Variants in STPG2 observed in about 807,000 individuals in gnomAD.
The protein encoded by STPG2 is sperm tail PG-rich repeat containing 2.
A neutral mutation model predicts 54.2 loss-of-function variants in STPG2; 56 were observed. The ratio of observed to expected loss-of-function variants is 1.03; its 90% CI spans 0.83 to 1.29. The LOEUF (loss-of-function observed/expected upper bound fraction) is 1.29. STPG2 is among the 50% of genes most tolerant of loss of function. The pLI is 0.00. For synonymous variants in STPG2, 200 were observed against 181.8 expected (o/e 1.10, Z -0.81); for missense variants, 596 against 544.9 (o/e 1.09, Z -0.93).
At chr4:97,883,967 G>A (rs1730470814) in intron 8 of STPG2, among the ~76,000 whole-genome samples, 1 of 152,154 alleles carries the variant, frequency 6.6e-6, no homozygotes, top group South Asian at 2.1e-4. Flanking sequence ...CAGAGGATGT[G>A]GTGGCTGAGA....
At chr4:97,898,753 C>T (rs1431559606) in intron 8 of STPG2, among the ~76,000 whole-genome samples, 1 of 151,182 alleles carries the variant, frequency 6.6e-6, no homozygotes, top group Non-Finnish European at 1.5e-5. Flanking sequence ...AATCAAAATG[C>T]TGATAAATTA....
chr4:97,567,765 A>G (rs1427673317), intron 10 of STPG2, among the ~76,000 whole-genome samples: 1 of 152,138 alleles, frequency 6.6e-6, no homozygotes, highest in Non-Finnish European at 1.5e-5. Flanking sequence ...TATAGATAAA[A>G]TAAAGAATAA....
chr4:97,943,918 TC>T lies in STPG2; in HGVS notation c.1022del (p.Arg341LysfsTer3). 1 of 1,586,088 alleles carries T rather than the reference TC, an allele frequency of 6.3e-7. No individual in the cohort carries two copies. The highest frequency in any genetic ancestry group is 2.3e-5 in the East Asian group (1 of 44,150). On this transcript the variant is annotated frameshift_variant, in exon 8 of 11. Transcript: ENST00000295268. LOFTEE classifies it high-confidence loss of function. ...KYAAFLSRAK[R>X]TMKVPDMVIP... ...TTACCATATCTGGTACTTTCATAGT[TC>T]TTTTGGCTCTTGACAAGAAAGCAGC...
At chr4:97,662,024 C>T (rs182470720) in intron 10 of STPG2, among the ~76,000 whole-genome samples, 1 of 152,106 alleles carries the variant, frequency 6.6e-6, no homozygotes, top group African/African-American at 2.4e-5. Flanking sequence ...GTTCTATGAA[C>T]CTCGACACAT....
At chr4:97,513,541 A>C (rs997857330) in intron 4 of STPG2, among the ~76,000 whole-genome samples, 1 of 152,040 alleles carries the variant, frequency 6.6e-6, no homozygotes, top group Admixed American at 6.6e-5. Flanking sequence ...TCACATACAG[A>C]AGACTCTCCT....
At chr4:97,601,419 T>C (rs1733458110) in intron 10 of STPG2, among the ~76,000 whole-genome samples, 1 of 152,088 alleles carries the variant, frequency 6.6e-6, no homozygotes, top group Non-Finnish European at 1.5e-5. Flanking sequence ...ATTGTGCTTT[T>C]CAAGTTATTT....
At chr4:97,743,820 T>C (rs1725341028) in intron 9 of STPG2, among the ~76,000 whole-genome samples, 1 of 151,498 alleles carries the variant, frequency 6.6e-6, no homozygotes, top group Admixed American at 6.6e-5. Context: ...GGAAAAATCT[T>C]CCCAAAAGAG....
intron 3 of STPG2, among the ~76,000 whole-genome samples, chr4:98,114,551 A>C (rs1739453227): frequency 6.6e-6 from 1 of 152,026 alleles, no homozygotes; most frequent in Admixed American, 6.6e-5. Context: ...AATCATGTTA[A>C]GGTTTTGTAT....
chr4:98,005,055 A>G (rs979188153), intron 5 of STPG2, among the ~76,000 whole-genome samples: 3 of 151,134 alleles, frequency 2.0e-5, no homozygotes, highest in East Asian at 3.9e-4. Context: ...GATAATAGCT[A>G]AAAAAAAATT....
At chr4:97,888,235 C>T (rs971709092) in intron 8 of STPG2, among the ~76,000 whole-genome samples, 3 of 152,136 alleles carry the variant, frequency 2.0e-5, no homozygotes, top group African/African-American at 4.8e-5. Context: ...GATAAGAGGG[C>T]CACCATCCTC....
chr4:97,743,078 G>A (rs549940123), intron 9 of STPG2, among the ~76,000 whole-genome samples: 1 of 151,680 alleles, frequency 6.6e-6, no homozygotes, highest in Admixed American at 6.6e-5. Context: ...AAAACATAAA[G>A]TGCCTTTTGT....
chr4:97,636,662 T>C (rs1378528400), intron 10 of STPG2, among the ~76,000 whole-genome samples: 1 of 151,754 alleles, frequency 6.6e-6, no homozygotes, highest in East Asian at 1.9e-4. Context: ...AAGGGGATAT[T>C]ACCACCAATC....
chr4:97,618,273 G>T (rs1446439994), intron 10 of STPG2, among the ~76,000 whole-genome samples: 2 of 152,086 alleles, frequency 1.3e-5, no homozygotes, highest in African/African-American at 4.8e-5. Flanking sequence ...TTGCTATGTT[G>T]TGAGAAGCCA....
chr4:98,137,147 G>A (rs1409585491), intron 1 of STPG2, among the ~76,000 whole-genome samples: 2 of 151,610 alleles, frequency 1.3e-5, no homozygotes, highest in African/African-American at 4.8e-5. Flanking sequence ...TTAAAAGGAT[G>A]GAAAAAGTTA....
At chr4:97,641,968 C>A (rs1721778918) in intron 10 of STPG2, among the ~76,000 whole-genome samples, 1 of 151,406 alleles carries the variant, frequency 6.6e-6, no homozygotes, top group African/African-American at 2.4e-5. Context: ...AAAATAATAA[C>A]ACCTATTCTT....
At chr4:98,012,211 T>C (rs1189485112) in intron 5 of STPG2, among the ~76,000 whole-genome samples, 1 of 152,224 alleles carries the variant, frequency 6.6e-6, no homozygotes, top group Non-Finnish European at 1.5e-5. Context: ...TAGGGAATCC[T>C]TTCCCCATTG....
At chr4:98,093,707 G>A (rs1738758377) in intron 5 of STPG2, among the ~76,000 whole-genome samples, 1 of 152,190 alleles carries the variant, frequency 6.6e-6, no homozygotes, top group African/African-American at 2.4e-5. Flanking sequence ...CCCAACTGTA[G>A]CCATGCAGCA....
In STPG2 at chr4:98,106,171, T is replaced by C. The variant is rs540410128; in HGVS notation, c.501-107A>G. On this transcript the variant is annotated intron_variant, in intron 4 of 10. Coordinates refer to ENST00000295268, the MANE Select transcript of STPG2 (RefSeq NM_174952.3). Reference sequence around the variant, plus strand: ...AGCAACATGTCCTGCAATTAAACTATGGAATAATAAGATTATCTAGGTATA... The same window carrying C: ...AGCAACATGTCCTGCAATTAAACTACGGAATAATAAGATTATCTAGGTATA... 7 of 812,924 alleles carry C rather than the reference T, an allele frequency of 8.6e-6. No homozygotes were observed. The East Asian group carries it at 1.9e-4, about 22-fold the overall frequency. 50.4% of individuals were successfully genotyped at this position (812,924 alleles called of 1,614,324 possible).
chr4:97,888,115 TG>T (rs1730645360), intron 8 of STPG2, among the ~76,000 whole-genome samples: 1 of 152,226 alleles, frequency 6.6e-6, no homozygotes, highest in Non-Finnish European at 1.5e-5. Flanking sequence ...AGAAGCCTGC[TG>T]CAGGGGCAGA....
Sources: gnomAD v4.1 joint callset for allele counts (sites outside exome capture counted in the v4.1 genomes callset) on GRCh38, gnomAD v4.1.1 for gene constraint, MANE v1.5 for transcripts, NCBI Gene and HGNC (gene_info 2026-07-23, HGNC 2026-07-21) for gene names.